The following PRPSAP2 variants were observed in gnomAD, a reference collection of about 807,000 sequenced individuals.
The protein encoded by PRPSAP2 is phosphoribosyl pyrophosphate synthetase associated protein 2.
PRPSAP2 carries 24 observed loss-of-function variants against 40.6 expected under a neutral mutation model. That is an observed-to-expected ratio of 0.59 (90% CI 0.43 to 0.83). The LOEUF is 0.83. PRPSAP2 is among the 40% of genes least tolerant of loss of function. The pLI is 0.00. For missense variants in PRPSAP2, 292 were observed against 465.6 expected, an observed-to-expected ratio of 0.63 and a Z score of 3.43; for synonymous variants, 149 against 164.7, an observed-to-expected ratio of 0.90 and a Z score of 0.73.
At chr17:18,912,082 T>C (rs1209701354) in intron 9 of PRPSAP2, among the ~76,000 whole-genome samples, 1 of 151,950 alleles carries the variant, frequency 6.6e-6, no homozygotes, top group Non-Finnish European at 1.5e-5. Context: ...CTTGGGAGGC[T>C]GAGGCAGGAG....
intron 6 of PRPSAP2, 39 bp from the exon 7 acceptor site, chr17:18,882,524 AAAAAC>A: frequency 1.5e-6 from 2 of 1,355,714 alleles, no homozygotes; most frequent in Middle Eastern, 1.9e-4. Flanking sequence ...AAAAAAAAAC[AAAAAC>A]AAAACTATTT....
chr17:18,867,113 A>G, intron 3 of PRPSAP2, 169 bp from the exon 4 acceptor site: 1 of 671,224 alleles, frequency 1.5e-6, no homozygotes, highest in Non-Finnish European at 2.5e-6. Flanking sequence ...GGTTGGGGTG[A>G]GGGGCTAGGT....
In PRPSAP2 at chr17:18,911,133, G is replaced by A; in HGVS notation, c.615G>A (p.Leu205=). Residue 205 remains leucine (L), a synonymous_variant, in exon 9 of 12, where the codon CTG becomes CTA. Transcript: ENST00000268835. The surrounding 1 kb of genome is among the most constrained non-coding windows in gnomAD (Gnocchi z 4.5). ...RAQSFAERLR[L]GIAVIHGEAQ... Reference sequence around the variant, plus strand: ...AGTCTTTTGCTGAGCGCCTGCGCCTGGGAATTGCAGTGATTCATGGAGAGG... The same window carrying A: ...AGTCTTTTGCTGAGCGCCTGCGCCTAGGAATTGCAGTGATTCATGGAGAGG... 1 of 1,612,926 alleles carries A rather than the reference G, an allele frequency of 6.2e-7. No homozygotes were observed.
intron 10 of PRPSAP2, chr17:18,928,563 G>T (rs2042089815): frequency 6.2e-6 from 3 of 485,226 alleles, no homozygotes; most frequent in East Asian, 8.7e-5. Flanking sequence ...ACCCCTGGGA[G>T]CCTGGAGTGT....
intron 8 of PRPSAP2, among the ~76,000 whole-genome samples, chr17:18,900,494 T>A (rs1437506860): frequency 1.3e-5 from 2 of 152,154 alleles, no homozygotes; most frequent in Non-Finnish European, 2.9e-5. Context: ...TTGGCATCTG[T>A]TAATTGTCTT....
At chr17:18,919,073 G>T (rs576228965) in intron 9 of PRPSAP2, among the ~76,000 whole-genome samples, 9 of 152,270 alleles carry the variant, frequency 5.9e-5, no homozygotes, top group African/African-American at 1.9e-4. Flanking sequence ...TTAAAAAGAC[G>T]ATGGGAGGGA....
intron 1 of PRPSAP2, among the ~76,000 whole-genome samples, chr17:18,862,099 A>T (rs1007577992): frequency 1.1e-4 from 17 of 152,232 alleles, no homozygotes; most frequent in Admixed American, 9.8e-4. Context: ...TGTTGGCCAG[A>T]CTGGTCTTGA....
chr17:18,917,571 TA>T (rs2041403409), intron 9 of PRPSAP2: 1 of 70,358 alleles, frequency 1.4e-5, no homozygotes, highest in African/African-American at 6.4e-5. Context: ...TTATTATTAT[TA>T]TTATTATTAT....
chr17:18,929,987 G>C (rs1222439918), intron 11 of PRPSAP2, among the ~76,000 whole-genome samples: 4 of 152,124 alleles, frequency 2.6e-5, no homozygotes, highest in Admixed American at 6.6e-5. Flanking sequence ...TGAGTTGGGG[G>C]GGGGCTCCAG....
chr17:18,922,971 G>T (rs968650454), intron 9 of PRPSAP2, among the ~76,000 whole-genome samples: 3 of 151,668 alleles, frequency 2.0e-5, no homozygotes, highest in Non-Finnish European at 1.5e-5. Context: ...GAGCCACCAT[G>T]CCCAGCCTAC....
chr17:18,862,819 A>T (rs1597502363), intron 1 of PRPSAP2, among the ~76,000 whole-genome samples: 1 of 136,898 alleles, frequency 7.3e-6, no homozygotes, highest in African/African-American at 2.6e-5. Flanking sequence ...TTATTTATTT[A>T]TTTATTTATT....
intron 8 of PRPSAP2, among the ~76,000 whole-genome samples, chr17:18,900,626 G>A (rs1416017474): frequency 6.6e-6 from 1 of 152,096 alleles, no homozygotes; most frequent in Non-Finnish European, 1.5e-5. Context: ...GATTTTGCTG[G>A]CTTCTCAGGA....
intron 9 of PRPSAP2, among the ~76,000 whole-genome samples, chr17:18,918,664 T>G (rs1451997371): frequency 6.6e-6 from 1 of 152,188 alleles, no homozygotes; most frequent in East Asian, 1.9e-4. Context: ...AGAGGCCAGA[T>G]CCGGGAGGCT....
chr17:18,868,992 G>A (rs898191621), intron 4 of PRPSAP2, among the ~76,000 whole-genome samples: 6 of 152,048 alleles, frequency 3.9e-5, no homozygotes, highest in African/African-American at 1.4e-4. Context: ...CCTATGTGGC[G>A]TCAGTAGGGA....
chr17:18,882,736 G>A, intron 7 of PRPSAP2, 53 bp downstream of exon 7: 2 of 1,202,428 alleles, frequency 1.7e-6, no homozygotes, highest in Non-Finnish European at 2.5e-6. Context: ...GTTGAAAGAT[G>A]TATTTCCATT....
chr17:18,870,136 A>G (rs144714568), intron 4 of PRPSAP2, among the ~76,000 whole-genome samples: 1,716 of 152,258 alleles, frequency 0.011, 17 homozygotes, highest in Non-Finnish European at 0.02. Flanking sequence ...TTTAATGAAA[A>G]TGTTCAAACA....
At chr17:18,884,158 T>C (rs767837544) in intron 7 of PRPSAP2, among the ~76,000 whole-genome samples, 3 of 152,032 alleles carry the variant, frequency 2.0e-5, no homozygotes, top group Non-Finnish European at 4.4e-5. Flanking sequence ...TCCCAGTTAC[T>C]TGGGAGGCTG....
At chr17:18,884,208 A>G (rs1233676562) in intron 7 of PRPSAP2, among the ~76,000 whole-genome samples, 2 of 152,204 alleles carry the variant, frequency 1.3e-5, no homozygotes, top group Non-Finnish European at 2.9e-5. Flanking sequence ...TGGAGGTTAC[A>G]GTGAGCCAGG....
At chr17:18,915,412 T>G (rs1185903089) in intron 9 of PRPSAP2, among the ~76,000 whole-genome samples, 1 of 152,184 alleles carries the variant, frequency 6.6e-6, no homozygotes, top group Non-Finnish European at 1.5e-5. Context: ...GCTGTTTTCT[T>G]CTGAGCCTGT....
Sources: allele counts gnomAD v4.1 joint callset (sites outside exome capture counted in the v4.1 genomes callset), GRCh38; gene constraint gnomAD v4.1.1; non-coding constraint Gnocchi (gnomAD v3.1); transcripts MANE v1.5; gene names NCBI Gene and HGNC (gene_info 2026-07-23, HGNC 2026-07-21).